RNF111: variants seen among roughly 807,000 people sequenced by gnomAD.
RNF111 encodes ring finger protein 111.
Under a neutral mutation model 95.1 loss-of-function variants are expected in RNF111, and 17 were observed. That is an observed-to-expected ratio of 0.18 (90% CI 0.12 to 0.27). RNF111 has a LOEUF of 0.27. RNF111 is among the 10% of genes least tolerant of loss of function. The pLI is 1.00. For synonymous variants in RNF111, 440 were observed against 414.8 expected, an observed-to-expected ratio of 1.06 and a Z score of -0.74; for missense variants, 1,189 against 1,210.4, an observed-to-expected ratio of 0.98 and a Z score of 0.26.
intron 2 of RNF111, among the ~76,000 whole-genome samples, chr15:59,032,534 A>G (rs994729583): frequency 2.0e-5 from 3 of 152,040 alleles, no homozygotes; most frequent in African/African-American, 7.3e-5. Flanking sequence ...CCGTCCTCCC[A>G]CGTCAGCGCC....
chr15:59,039,744 G>A (rs918793330), intron 2 of RNF111, among the ~76,000 whole-genome samples: 1 of 150,926 alleles, frequency 6.6e-6, no homozygotes, highest in African/African-American at 2.4e-5. Flanking sequence ...TTGAGACGGA[G>A]TCTTGTTCTG....
At chr15:58,994,473 CTTTTTTT>C (rs35787227) in intron 1 of RNF111, among the ~76,000 whole-genome samples, 3 of 69,520 alleles carry the variant, frequency 4.3e-5, no homozygotes, top group South Asian at 6.3e-4. Flanking sequence ...TTTTCTCTCT[CTTTTTTT>C]TTTTTTTTTT....
chr15:58,989,592 C>G (rs2038721784), intron 1 of RNF111, among the ~76,000 whole-genome samples: 1 of 152,104 alleles, frequency 6.6e-6, no homozygotes, highest in Non-Finnish European at 1.5e-5. Flanking sequence ...GTTATTTCAC[C>G]AGACATAGAA....
At chr15:59,085,556 A>T in intron 9 of RNF111, 103 bp from the exon 10 acceptor site, 1 of 993,598 alleles carries the variant, frequency 1.0e-6, no homozygotes, top group Non-Finnish European at 1.4e-6. Context: ...TTTGTAAGTT[A>T]AGAAACCTTA....
At chr15:59,043,554 G>A (rs895794067) in intron 2 of RNF111, among the ~76,000 whole-genome samples, 2 of 152,176 alleles carry the variant, frequency 1.3e-5, no homozygotes, top group Non-Finnish European at 2.9e-5. Context: ...CATCTATAAG[G>A]CTAGTGAGCA....
At chr15:59,049,636 T>TA (rs1424580095) in intron 2 of RNF111, 3 of 156,516 alleles carry the variant, frequency 1.9e-5, no homozygotes, top group African/African-American at 7.2e-5. Context: ...TTTCGTTTGT[T>TA]ACAGCATTGC....
At chr15:58,992,467 G>A (rs767243279) in intron 1 of RNF111, among the ~76,000 whole-genome samples, 2 of 152,122 alleles carry the variant, frequency 1.3e-5, no homozygotes, top group Non-Finnish European at 1.5e-5. Context: ...GGGTACATGG[G>A]TATTAATAAT....
intron 6 of RNF111, among the ~76,000 whole-genome samples, chr15:59,068,804 C>T (rs1422010594): frequency 4.0e-5 from 6 of 151,622 alleles, no homozygotes; most frequent in African/African-American, 1.5e-4. Flanking sequence ...GGGCTGGGCG[C>T]GGTGGCTCAT....
chr15:59,001,552 G>A (rs753156115), intron 1 of RNF111, among the ~76,000 whole-genome samples: 7 of 152,130 alleles, frequency 4.6e-5, no homozygotes, highest in Non-Finnish European at 1.0e-4. Context: ...AATCATGACA[G>A]TTTTACCAGG....
chr15:59,052,275 C>A, intron 2 of RNF111, 30 bp from the exon 3 acceptor site: 1 of 1,521,506 alleles, frequency 6.6e-7, no homozygotes, highest in Non-Finnish European at 8.8e-7. Flanking sequence ...CAGGAAGATG[C>A]CTTTAAATGT....
intron 1 of RNF111, among the ~76,000 whole-genome samples, chr15:58,997,492 T>A (rs1424971800): frequency 3.3e-5 from 5 of 151,342 alleles, no homozygotes; most frequent in African/African-American, 4.9e-5. Context: ...ATCACTATGT[T>A]CTTCATGACT....
chr15:59,063,554 A>G (rs2042529593), intron 5 of RNF111, among the ~76,000 whole-genome samples: 1 of 152,108 alleles, frequency 6.6e-6, no homozygotes, highest in South Asian at 2.1e-4. Context: ...GAAGTGTTTT[A>G]TTTACTGAAT....
At chr15:59,065,380 A>C (rs566726083) in intron 5 of RNF111, among the ~76,000 whole-genome samples, 5 of 152,346 alleles carry the variant, frequency 3.3e-5, no homozygotes, top group African/African-American at 1.2e-4. Flanking sequence ...GCCATAGAAG[A>C]ACATACCTTC....
At chr15:58,993,953 C>CTT (rs2141373308) in intron 1 of RNF111, among the ~76,000 whole-genome samples, 1 of 151,828 alleles carries the variant, frequency 6.6e-6, no homozygotes, top group African/African-American at 2.4e-5. Context: ...AGTCATTTCC[C>CTT]TTATTCATAT....
intron 1 of RNF111, among the ~76,000 whole-genome samples, chr15:59,022,506 A>G (rs1202681519): frequency 6.6e-6 from 1 of 152,196 alleles, no homozygotes; most frequent in African/African-American, 2.4e-5. Context: ...TCCTTTTTAT[A>G]GCATGAGCAG....
chr15:59,076,783 T>C (rs1274376782), intron 7 of RNF111, among the ~76,000 whole-genome samples: 1 of 152,252 alleles, frequency 6.6e-6, no homozygotes, highest in Non-Finnish European at 1.5e-5. Flanking sequence ...TCTAAGGCTA[T>C]GTAACATATT....
At chr15:59,041,797 G>C (rs780718515) in intron 2 of RNF111, among the ~76,000 whole-genome samples, 1 of 152,088 alleles carries the variant, frequency 6.6e-6, no homozygotes, top group East Asian at 1.9e-4. Context: ...TATGTTGTCA[G>C]ATTTTAGGGG....
chr15:59,024,428 G>A (rs1027947417), intron 1 of RNF111, among the ~76,000 whole-genome samples: 4 of 150,510 alleles, frequency 2.7e-5, no homozygotes, highest in South Asian at 2.1e-4. Context: ...CTACTGAGAC[G>A]CTTTGTGTAA....
intron 6 of RNF111, among the ~76,000 whole-genome samples, chr15:59,067,820 T>C (rs1204590749): frequency 6.6e-6 from 1 of 152,150 alleles, no homozygotes; most frequent in African/African-American, 2.4e-5. Context: ...TACTGTAGAG[T>C]TCACTATAAC....
Sources: allele counts gnomAD v4.1 joint callset (sites outside exome capture counted in the v4.1 genomes callset), GRCh38; gene constraint gnomAD v4.1.1; transcripts MANE v1.5; gene names NCBI Gene and HGNC (gene_info 2026-07-23, HGNC 2026-07-21).